Variants in RBMS3 observed in about 807,000 individuals in gnomAD.
RBMS3 encodes the protein RNA-binding motif, single-stranded-interacting protein 3.
A neutral mutation model predicts 66.8 loss-of-function variants in RBMS3; 27 were observed. The observed-to-expected ratio is 0.40, with a 90% CI of 0.30 to 0.56. RBMS3 has a LOEUF of 0.56. Ranked by LOEUF, RBMS3 falls within the 20% of genes least tolerant of loss-of-function variation. The pLI, the probability that RBMS3 is intolerant of heterozygous loss-of-function variation, is 0.40. For synonymous variants in RBMS3, 188 were observed against 183.0 expected, an observed-to-expected ratio of 1.03 and a Z score of -0.22; for missense variants, 513 against 549.5, an observed-to-expected ratio of 0.93 and a Z score of 0.66.
chr3:29,383,039 T>C (rs957685727), intron 1 of RBMS3, among the ~76,000 whole-genome samples: 1 of 152,158 alleles, frequency 6.6e-6, no homozygotes, highest in African/African-American at 2.4e-5. Context: ...GAGCATGACT[T>C]GGGGAAATAT....
chr3:29,631,016 T>G (rs999420269), intron 4 of RBMS3, among the ~76,000 whole-genome samples: 1 of 151,898 alleles, frequency 6.6e-6, no homozygotes, highest in African/African-American at 2.4e-5. Context: ...AAATATTGTT[T>G]TTATTCTAAA....
At chr3:29,517,307 GTA>G (rs1316391438) in intron 3 of RBMS3, among the ~76,000 whole-genome samples, 1,640 of 104,710 alleles carry the variant, frequency 0.016, 33 homozygotes, top group African/African-American at 0.057. Context: ...GTGTGTGTGT[GTA>G]TATATATATA....
At chr3:29,523,973 G>A (rs1008260797) in intron 3 of RBMS3, among the ~76,000 whole-genome samples, 1 of 152,050 alleles carries the variant, frequency 6.6e-6, no homozygotes, top group African/African-American at 2.4e-5. Context: ...CTGGCCACAA[G>A]CAATCCTTCT....
intron 4 of RBMS3, among the ~76,000 whole-genome samples, chr3:29,680,660 A>G (rs563861535): frequency 1.3e-5 from 2 of 152,330 alleles, no homozygotes; most frequent in South Asian, 2.1e-4. Flanking sequence ...AAAGGAGTTT[A>G]CAGTGAGCTC....
At chr3:29,950,843 A>T (rs554347558) in intron 12 of RBMS3, among the ~76,000 whole-genome samples, 2 of 152,018 alleles carry the variant, frequency 1.3e-5, no homozygotes, top group South Asian at 4.1e-4. Flanking sequence ...AATGTCTTTT[A>T]TATAAAGAAG....
At chr3:29,928,592 C>T (rs1006814707) in intron 10 of RBMS3, among the ~76,000 whole-genome samples, 1 of 151,886 alleles carries the variant, frequency 6.6e-6, no homozygotes, top group African/African-American at 2.4e-5. Context: ...AATTTTTTCA[C>T]ACAAATAGTC....
intron 4 of RBMS3, among the ~76,000 whole-genome samples, chr3:29,699,415 G>A (rs1028667929): frequency 3.5e-4 from 53 of 152,096 alleles, no homozygotes; most frequent in Admixed American, 1.3e-3. Context: ...CCTAAGTGCT[G>A]GTATTACAGG....
intron 8 of RBMS3, among the ~76,000 whole-genome samples, chr3:29,885,156 G>A (rs2059839813): frequency 1.3e-5 from 2 of 151,766 alleles, no homozygotes; most frequent in African/African-American, 4.8e-5. Flanking sequence ...ACAATGCTAT[G>A]TTCTATAGAT....
At chr3:29,738,038 T>G (rs1210305391) in intron 4 of RBMS3, among the ~76,000 whole-genome samples, 1 of 152,196 alleles carries the variant, frequency 6.6e-6, no homozygotes, top group East Asian at 1.9e-4. Flanking sequence ...GTAAACTGTG[T>G]TTAAAATGAA....
chr3:29,893,671 AT>A (rs1020775801), intron 8 of RBMS3, among the ~76,000 whole-genome samples: 3 of 151,496 alleles, frequency 2.0e-5, no homozygotes, highest in Admixed American at 6.6e-5. Flanking sequence ...GCAAACCTTG[AT>A]TTTTCATAGA....
chr3:29,750,277 C>T lies in RBMS3; in HGVS notation c.557+10400C>T, dbSNP rs78285584. Among the ~76,000 whole-genome samples, 1,224 of 152,098 alleles carry T rather than the reference C, an allele frequency of 8.0e-3. 12 individuals carry two copies. The highest frequency in any genetic ancestry group is 0.031 in the Middle Eastern group (9 of 294). ...GAATTCTTGTTGGGATTCTTTTCCACGAATTTTTTGAAGAATGGACTATAG... is the reference window on the plus strand; with the variant it reads ...GAATTCTTGTTGGGATTCTTTTCCATGAATTTTTTGAAGAATGGACTATAG... On this transcript the variant is annotated intron_variant, in intron 5 of 14. Coordinates refer to ENST00000383767, the MANE Select transcript of RBMS3 (RefSeq NM_001003793.3).
chr3:29,320,819 C>T (rs1039363366), intron 1 of RBMS3, among the ~76,000 whole-genome samples: 4 of 151,598 alleles, frequency 2.6e-5, no homozygotes, highest in African/African-American at 9.7e-5. Context: ...AAAAATACTC[C>T]TTAATAGAAA....
intron 1 of RBMS3, among the ~76,000 whole-genome samples, chr3:29,384,853 G>T (rs2038938798): frequency 6.6e-6 from 1 of 152,130 alleles, no homozygotes; most frequent in African/African-American, 2.4e-5. Context: ...AATGCTTTTT[G>T]GTTGGCTCAG....
intron 10 of RBMS3, among the ~76,000 whole-genome samples, chr3:29,909,078 C>G (rs918038276): frequency 1.3e-5 from 2 of 151,984 alleles, no homozygotes; most frequent in African/African-American, 4.8e-5. Context: ...AGGAGAGTCT[C>G]AAGTTATTTC....
At chr3:29,873,648 C>T (rs865828181) in intron 7 of RBMS3, among the ~76,000 whole-genome samples, 3 of 152,134 alleles carry the variant, frequency 2.0e-5, no homozygotes, top group Non-Finnish European at 2.9e-5. Context: ...TGAGAGAGGG[C>T]ATCCTTGTCT....
intron 2 of RBMS3, among the ~76,000 whole-genome samples, chr3:29,467,177 A>G (rs1377363943): frequency 6.6e-6 from 1 of 152,154 alleles, no homozygotes; most frequent in Non-Finnish European, 1.5e-5. Context: ...TTGGCATACC[A>G]TGAAATGTCT....
chr3:29,979,153 G>T (rs1314726727), intron 12 of RBMS3, among the ~76,000 whole-genome samples: 3 of 151,322 alleles, frequency 2.0e-5, no homozygotes, highest in African/African-American at 4.9e-5. Context: ...AAACGAGAAG[G>T]AAAGAAACAA....
intron 4 of RBMS3, 22 bp downstream of exon 4, chr3:29,587,227 GTTT>G (rs537893659): frequency 0.13 from 27,714 of 209,776 alleles, 1,217 homozygotes; most frequent in Non-Finnish European, 0.16. Flanking sequence ...GTTTAGGGGT[GTTT>G]TTTTTTTTTT....
intron 10 of RBMS3, among the ~76,000 whole-genome samples, chr3:29,908,738 T>C (rs1461107397): frequency 6.6e-6 from 1 of 152,054 alleles, no homozygotes; most frequent in African/African-American, 2.4e-5. Context: ...TAAAAACAAA[T>C]ATTCTTGAGC....
Sources: gnomAD v4.1 joint callset for allele counts (sites outside exome capture counted in the v4.1 genomes callset) on GRCh38, gnomAD v4.1.1 for gene constraint, MANE v1.5 for transcripts, NCBI Gene and HGNC (gene_info 2026-07-23, HGNC 2026-07-21) for gene names.